The following FBXO16 variants were observed in gnomAD, a reference collection of about 807,000 sequenced individuals.
The protein encoded by FBXO16 is F-box protein 16, also known as F-box only protein 16.
In FBXO16, 31 loss-of-function variants were observed where a neutral mutation model predicts 41.0. The ratio of observed to expected loss-of-function variants is 0.76; its 90% CI spans 0.57 to 1.02. The LOEUF is 1.02. Among genes scored for constraint, FBXO16 ranks in the 50% least tolerant of loss-of-function variants. The pLI is 0.00. For missense variants in FBXO16, 361 were observed against 346.2 expected (o/e 1.04, Z -0.34); for synonymous variants, 133 against 117.8 (o/e 1.13, Z -0.84).
At chr8:28,429,579 C>G (rs920170678) in intron 7 of FBXO16, among the ~76,000 whole-genome samples, 176 bp from the exon 8 acceptor site, 2 of 151,552 alleles carry the variant, frequency 1.3e-5, no homozygotes, top group African/African-American at 4.9e-5. Flanking sequence ...GTAGCCTCCC[C>G]CAAGCACAAT....
At chr8:28,466,252 A>C (rs1050017532) in intron 3 of FBXO16, among the ~76,000 whole-genome samples, 2 of 152,132 alleles carry the variant, frequency 1.3e-5, no homozygotes, top group African/African-American at 4.8e-5. Context: ...AAAACAAAAC[A>C]AAAAAACAGT....
intron 7 of FBXO16, among the ~76,000 whole-genome samples, chr8:28,439,485 C>A (rs1563357817): frequency 6.6e-6 from 1 of 152,186 alleles, no homozygotes; most frequent in Non-Finnish European, 1.5e-5. Context: ...TGCCTGTAAT[C>A]CCAGCACTTT....
intron 4 of FBXO16, among the ~76,000 whole-genome samples, chr8:28,463,105 A>G (rs1053874444): frequency 1.3e-5 from 2 of 152,162 alleles, no homozygotes; most frequent in African/African-American, 4.8e-5. Flanking sequence ...ATGTACAAAC[A>G]TATTGATCAT....
chr8:28,446,607 C>T (rs1403460440), intron 7 of FBXO16, among the ~76,000 whole-genome samples: 2 of 151,840 alleles, frequency 1.3e-5, no homozygotes, highest in Non-Finnish European at 2.9e-5. Flanking sequence ...CGCGGTGGCT[C>T]ATGCTTGTAA....
chr8:28,473,632 TG>T, intron 3 of FBXO16, 139 bp downstream of exon 3: 1 of 744,602 alleles, frequency 1.3e-6, no homozygotes, highest in Non-Finnish European at 2.3e-6. Context: ...AACAAATGTC[TG>T]GGTTTTTTTC....
intron 7 of FBXO16, among the ~76,000 whole-genome samples, chr8:28,430,747 G>A (rs543725919): frequency 2.6e-5 from 4 of 152,232 alleles, no homozygotes; most frequent in South Asian, 2.1e-4. Context: ...CAAGGCGGGC[G>A]GATCACCTGA....
At chr8:28,465,521 G>A (rs1803222354) in intron 3 of FBXO16, 1 of 345,614 alleles carries the variant, frequency 2.9e-6, no homozygotes, top group Admixed American at 3.1e-5. Flanking sequence ...AGGCTGAGGT[G>A]GGAGAATTGC....
chr8:28,441,177 C>T (rs1049286426), intron 7 of FBXO16, among the ~76,000 whole-genome samples: 2 of 152,076 alleles, frequency 1.3e-5, no homozygotes, highest in Admixed American at 1.3e-4. Flanking sequence ...TCTCCCCTAC[C>T]TAATGTTGGC....
intron 5 of FBXO16, among the ~76,000 whole-genome samples, chr8:28,454,000 C>A (rs982637078): frequency 6.6e-6 from 1 of 151,810 alleles, no homozygotes; most frequent in African/African-American, 2.4e-5. Flanking sequence ...CCCGTCTCTA[C>A]GGAAAATACA....
chr8:28,486,533 TC>T (rs1445845924), intron 1 of FBXO16, among the ~76,000 whole-genome samples: 31 of 150,490 alleles, frequency 2.1e-4, no homozygotes, highest in Non-Finnish European at 3.3e-4. Context: ...GGGCTACATT[TC>T]TTCTTTTAAA....
chr8:28,468,555 C>T (rs1040391271), intron 3 of FBXO16, among the ~76,000 whole-genome samples: 5 of 152,054 alleles, frequency 3.3e-5, no homozygotes, highest in African/African-American at 7.2e-5. Flanking sequence ...CAGGGCTGGG[C>T]GAGGTGGCTC....
chr8:28,476,266 C>G (rs1441936071), intron 2 of FBXO16, among the ~76,000 whole-genome samples: 2 of 152,184 alleles, frequency 1.3e-5, no homozygotes, highest in Non-Finnish European at 2.9e-5. Context: ...AAAGTCTAAA[C>G]AGAGTCCACA....
At chr8:28,469,261 C>T (rs928702497) in intron 3 of FBXO16, among the ~76,000 whole-genome samples, 7 of 151,354 alleles carry the variant, frequency 4.6e-5, no homozygotes, top group Non-Finnish European at 1.0e-4. Flanking sequence ...TGTGGTGAGC[C>T]GAGATTGCAC....
chr8:28,488,482 T>G (rs1803638778), intron 1 of FBXO16, among the ~76,000 whole-genome samples: 1 of 151,530 alleles, frequency 6.6e-6, no homozygotes, highest in African/African-American at 2.4e-5. Context: ...TTTTGTATTT[T>G]TTGTAGAGAT....
chr8:28,477,177 A>G (rs181694536), intron 2 of FBXO16, among the ~76,000 whole-genome samples: 49 of 152,342 alleles, frequency 3.2e-4, no homozygotes, highest in Non-Finnish European at 6.5e-4. Flanking sequence ...CTGTGAAGTT[A>G]AAATCCTGTG....
In FBXO16 at chr8:28,458,183, A is replaced by G. The variant is rs76373122; in HGVS notation, c.343-1253T>C. ...CACTCTGTAATGGCCCTTGCTATCC[A>G]TACACCTATTTTTCTATTACTCTCT... On this transcript the variant is annotated intron_variant, in intron 4 of 8. Coordinates refer to ENST00000380254, the MANE Select transcript of FBXO16 (RefSeq NM_172366.4). Among the ~76,000 whole-genome samples the G allele has an allele frequency of 8.3e-3, 1,271 of 152,328 alleles. 18 individuals are homozygous for G. Among genetic ancestry groups the G allele is most frequent in the African/African-American group, 0.028 (1,176 of 41,570 alleles).
intron 4 of FBXO16, among the ~76,000 whole-genome samples, chr8:28,463,232 GTGTT>G (rs374144706): frequency 0.037 from 5,680 of 151,836 alleles, 327 homozygotes; most frequent in African/African-American, 0.13. Context: ...GTCCGTGTGT[GTGTT>G]TGTGTACACG....
intron 2 of FBXO16, among the ~76,000 whole-genome samples, chr8:28,481,646 C>T (rs139417554): frequency 0.012 from 1,808 of 151,990 alleles, 34 homozygotes; most frequent in African/African-American, 0.042. Flanking sequence ...CCTGTCTCCA[C>T]TAAAAATACA....
intron 4 of FBXO16, among the ~76,000 whole-genome samples, chr8:28,458,655 C>A (rs868423994): frequency 1.3e-5 from 2 of 148,558 alleles, no homozygotes; most frequent in Admixed American, 6.9e-5. Context: ...CGGGATCAAG[C>A]GATTCTCCTG....
Sources: gnomAD v4.1 joint callset for allele counts (sites outside exome capture counted in the v4.1 genomes callset) on GRCh38, gnomAD v4.1.1 for gene constraint, MANE v1.5 for transcripts, NCBI Gene and HGNC (gene_info 2026-07-23, HGNC 2026-07-21) for gene names.